Variants in EPHA4 observed in about 807,000 individuals in gnomAD.
EPHA4 encodes the protein ephrin type-A receptor 4.
In EPHA4, 19 loss-of-function variants were observed where a neutral mutation model predicts 108.3. The observed-to-expected ratio is 0.18, with a 90% CI of 0.12 to 0.26. The LOEUF (loss-of-function observed/expected upper bound fraction) is 0.26. Ranked by LOEUF, EPHA4 falls within the 10% of genes least tolerant of loss-of-function variation. EPHA4 has a pLI of 1.00. For missense variants in EPHA4, 917 were observed against 1,254.0 expected (o/e 0.73, Z 4.06); for synonymous variants, 449 against 455.5 (o/e 0.99, Z 0.18).
chr2:221,502,387 T>G, intron 3 of EPHA4: 2 of 381,484 alleles, frequency 5.2e-6, no homozygotes, highest in Non-Finnish European at 1.1e-5. Flanking sequence ...CATGATTCAC[T>G]CTCGTTTCTT....
chr2:221,534,405 T>C (rs1445813949), intron 3 of EPHA4, among the ~76,000 whole-genome samples: 1 of 152,200 alleles, frequency 6.6e-6, no homozygotes, highest in African/African-American at 2.4e-5. Flanking sequence ...TGTATTGGAA[T>C]GCGTTCTCAT....
rs1419660506 is a variant in EPHA4, at chr2:221,470,955, G to GT, written c.1318+11396dup. Among the ~76,000 whole-genome samples the GT allele has an allele frequency of 6.6e-5, 10 of 152,200 alleles. No homozygotes were observed. In the East Asian group the frequency reaches 1.7e-3, roughly 26 times the overall value. On this transcript the variant is annotated intron_variant, in intron 5 of 17. Transcript: ENST00000281821. ...GAAGAGGTTTTAAGCTTGGAAATCT[G>GT]TAACCCTAGAATTGTATTTTTATTT...
chr2:221,505,801 G>A (rs944485592), intron 3 of EPHA4, among the ~76,000 whole-genome samples: 2 of 152,166 alleles, frequency 1.3e-5, no homozygotes, highest in Admixed American at 6.5e-5. Context: ...GAAGGAGGAT[G>A]TATCACAATC....
chr2:221,440,195 A>C (rs565156742), intron 11 of EPHA4, among the ~76,000 whole-genome samples: 13 of 152,304 alleles, frequency 8.5e-5, no homozygotes, highest in Non-Finnish European at 1.9e-4. Flanking sequence ...TCCAATAGAA[A>C]TTTTAAATCA....
intron 3 of EPHA4, among the ~76,000 whole-genome samples, chr2:221,522,765 T>G (rs946148336): frequency 1.1e-5 from 1 of 87,776 alleles, no homozygotes; most frequent in Non-Finnish European, 2.4e-5. Flanking sequence ...ATTATTATTA[T>G]TATTATTATT....
intron 3 of EPHA4, among the ~76,000 whole-genome samples, chr2:221,551,069 T>C (rs1438398729): frequency 6.6e-6 from 1 of 152,148 alleles, no homozygotes; most frequent in Non-Finnish European, 1.5e-5. Context: ...TTATTTATTA[T>C]TGGTCTGAAA....
intron 3 of EPHA4, chr2:221,501,374 C>G: frequency 4.5e-6 from 2 of 444,402 alleles, no homozygotes. Flanking sequence ...CATTCCTGGT[C>G]AGGTGTCAAG....
At chr2:221,441,160 T>C (rs1301294463) in intron 11 of EPHA4, among the ~76,000 whole-genome samples, 1 of 151,852 alleles carries the variant, frequency 6.6e-6, no homozygotes, top group Non-Finnish European at 1.5e-5. Context: ...ACTAGCCACC[T>C]GCCCCAGGCC....
chr2:221,460,464 T>C (rs1422451050), intron 5 of EPHA4, among the ~76,000 whole-genome samples: 2 of 152,208 alleles, frequency 1.3e-5, no homozygotes, highest in African/African-American at 4.8e-5. Context: ...ATTGATCAGA[T>C]GTTCTTCAGA....
intron 15 of EPHA4, among the ~76,000 whole-genome samples, chr2:221,428,564 T>C (rs1419692790): frequency 6.6e-6 from 1 of 152,160 alleles, no homozygotes; most frequent in Non-Finnish European, 1.5e-5. Flanking sequence ...TGGCCTTGAA[T>C]GGACCCTCAG....
intron 1 of EPHA4, 62 bp from the exon 2 acceptor site, chr2:221,568,847 C>T (rs1694746071): frequency 1.4e-6 from 2 of 1,444,772 alleles, no homozygotes; most frequent in Non-Finnish European, 1.9e-6. Context: ...AACACAAAAA[C>T]CATTTGCCTG....
At chr2:221,487,365 C>G (rs1462521474) in intron 4 of EPHA4, among the ~76,000 whole-genome samples, 4 of 152,128 alleles carry the variant, frequency 2.6e-5, no homozygotes, top group African/African-American at 7.2e-5. Context: ...GCTGTGTAAC[C>G]AGCGACGGCT....
intron 3 of EPHA4, among the ~76,000 whole-genome samples, chr2:221,554,190 T>A (rs1423922018): frequency 1.3e-5 from 2 of 152,198 alleles, no homozygotes; most frequent in African/African-American, 2.4e-5. Context: ...TGCTCTTTAA[T>A]CCTAATAATC....
intron 17 of EPHA4, chr2:221,422,069 A>G (rs1689776347): frequency 6.9e-6 from 1 of 144,682 alleles, no homozygotes; most frequent in Admixed American, 6.9e-5. Context: ...GCAAGACCCC[A>G]TCTTTAAAAA....
chr2:221,426,703 C>G, intron 15 of EPHA4, 84 bp from the exon 16 acceptor site: 1 of 1,236,796 alleles, frequency 8.1e-7, no homozygotes, highest in Middle Eastern at 2.3e-4. Flanking sequence ...CTCAAATAGG[C>G]AAGGAGAACT....
chr2:221,463,395 C>A (rs765468336), intron 5 of EPHA4, among the ~76,000 whole-genome samples: 2 of 152,226 alleles, frequency 1.3e-5, no homozygotes, highest in East Asian at 1.9e-4. Context: ...AGAATGCTTT[C>A]GAAATAGAAT....
intron 3 of EPHA4, among the ~76,000 whole-genome samples, chr2:221,528,183 C>T (rs1693400073): frequency 6.6e-6 from 1 of 152,106 alleles, no homozygotes; most frequent in African/African-American, 2.4e-5. Flanking sequence ...GTCTGATAAG[C>T]GTCTCTTAGG....
chr2:221,566,988 G>GAAGAAGAAGAAGAAA, intron 2 of EPHA4, among the ~76,000 whole-genome samples: 1 of 135,560 alleles, frequency 7.4e-6, no homozygotes, highest in East Asian at 2.2e-4. Context: ...AGAAGAAGAA[G>GAAGAAGAAGAAGAAA]AAGAAGAAGA....
intron 5 of EPHA4, among the ~76,000 whole-genome samples, chr2:221,468,538 T>C (rs1425123792): frequency 6.6e-6 from 1 of 152,194 alleles, no homozygotes; most frequent in Non-Finnish European, 1.5e-5. Flanking sequence ...TAGGAACCCA[T>C]GAGACAATGC....
Sources: gnomAD v4.1 joint callset for allele counts (sites outside exome capture counted in the v4.1 genomes callset) on GRCh38, gnomAD v4.1.1 for gene constraint, MANE v1.5 for transcripts, NCBI Gene and HGNC (gene_info 2026-07-23, HGNC 2026-07-21) for gene names.